The following TMEM108 variants were observed in gnomAD, a reference collection of about 807,000 sequenced individuals.
The protein encoded by TMEM108 is transmembrane protein 108.
In TMEM108, 12 loss-of-function variants were observed where a neutral mutation model predicts 35.1. The observed-to-expected ratio is 0.34, with a 90% CI of 0.22 to 0.55. The LOEUF (loss-of-function observed/expected upper bound fraction) is 0.55, where lower values mean the gene tolerates loss of function less well. Among genes scored for constraint, TMEM108 ranks in the 20% least tolerant of loss-of-function variants. TMEM108 has a pLI of 0.89. For synonymous variants in TMEM108, 287 were observed against 308.6 expected (o/e 0.93, Z 0.73); for missense variants, 680 against 753.3 (o/e 0.90, Z 1.14).
At chr3:133,172,314 T>C (rs1014808635) in intron 2 of TMEM108, among the ~76,000 whole-genome samples, 2 of 152,252 alleles carry the variant, frequency 1.3e-5, no homozygotes, top group African/African-American at 4.8e-5. Context: ...AAATGTTTAC[T>C]GTTTACAAGG....
chr3:133,216,500 GTTA>G (rs1022108456), intron 2 of TMEM108, among the ~76,000 whole-genome samples: 2 of 152,018 alleles, frequency 1.3e-5, no homozygotes, highest in Non-Finnish European at 2.9e-5. Context: ...AATACAATAT[GTTA>G]TTATTAACTA....
intron 2 of TMEM108, among the ~76,000 whole-genome samples, chr3:133,090,923 C>CT (rs1277609698): frequency 6.6e-6 from 1 of 152,062 alleles, no homozygotes; most frequent in Non-Finnish European, 1.5e-5. Context: ...TAGTTATCTG[C>CT]TGTTTTTTAC....
At chr3:133,214,282 A>C (rs1355990626) in intron 2 of TMEM108, among the ~76,000 whole-genome samples, 1 of 152,172 alleles carries the variant, frequency 6.6e-6, no homozygotes, top group Non-Finnish European at 1.5e-5. Flanking sequence ...GATCTTGAGC[A>C]AAGACCTTGA....
At chr3:133,176,769 A>C (rs1214523771) in intron 2 of TMEM108, among the ~76,000 whole-genome samples, 1 of 152,326 alleles carries the variant, frequency 6.6e-6, no homozygotes, top group Middle Eastern at 3.4e-3. Context: ...GAGAAGCAAG[A>C]GCAAACACAT....
At chr3:133,182,383 G>T (rs1295320370) in intron 2 of TMEM108, among the ~76,000 whole-genome samples, 1 of 152,132 alleles carries the variant, frequency 6.6e-6, no homozygotes, top group Non-Finnish European at 1.5e-5. Context: ...TTAAAAACCT[G>T]CTGAGTATCA....
chr3:133,040,612 T>C (rs1943264288), intron 1 of TMEM108, among the ~76,000 whole-genome samples: 1 of 152,162 alleles, frequency 6.6e-6, no homozygotes, highest in South Asian at 2.1e-4. Context: ...AATTAATCTT[T>C]GTTCCATAAA....
intron 2 of TMEM108, among the ~76,000 whole-genome samples, chr3:133,180,464 C>T (rs1458453409): frequency 3.3e-5 from 5 of 151,600 alleles, no homozygotes; most frequent in Non-Finnish European, 7.4e-5. Flanking sequence ...TTTTATTTTC[C>T]TTCATATTTT....
Position 133,096,538 on chromosome 3 carries a change from T to C in TMEM108, c.-47+50518T>C, listed in dbSNP as rs555271239. Among the ~76,000 whole-genome samples the C allele has an allele frequency of 3.3e-5, 5 of 152,292 alleles. No individual in the cohort carries two copies. In the East Asian group the frequency reaches 9.7e-4, roughly 29 times the overall value. On this transcript the variant is annotated intron_variant, in intron 2 of 5. Transcript: ENST00000321871. ...ACTAATTGATCAGCACAGGCTTTCTTGTCTCTTCAGATTATATGCTGAATG... is the reference window on the plus strand; with the variant it reads ...ACTAATTGATCAGCACAGGCTTTCTCGTCTCTTCAGATTATATGCTGAATG...
chr3:133,367,816 C>G (rs1215128997), intron 3 of TMEM108, among the ~76,000 whole-genome samples: 2 of 152,178 alleles, frequency 1.3e-5, no homozygotes, highest in African/African-American at 4.8e-5. Context: ...CTGCTAACCA[C>G]TAGCCGCTGC....
intron 3 of TMEM108, among the ~76,000 whole-genome samples, chr3:133,312,244 G>A (rs915779718): frequency 2.4e-4 from 37 of 152,184 alleles, no homozygotes; most frequent in African/African-American, 8.7e-4. Flanking sequence ...CACCATACTG[G>A]CAGAACCACT....
At chr3:133,317,197 C>T (rs909035647) in intron 3 of TMEM108, among the ~76,000 whole-genome samples, 5 of 152,060 alleles carry the variant, frequency 3.3e-5, no homozygotes, top group Non-Finnish European at 7.4e-5. Flanking sequence ...TTCAATGATA[C>T]GGACGTTGAA....
At chr3:133,039,367 A>G (rs1943246338) in intron 1 of TMEM108, among the ~76,000 whole-genome samples, 1 of 152,160 alleles carries the variant, frequency 6.6e-6, no homozygotes, top group African/African-American at 2.4e-5. Context: ...GGGAGAGGGA[A>G]GGCAGGGTCT....
intron 3 of TMEM108, among the ~76,000 whole-genome samples, chr3:133,301,211 C>T (rs991604935): frequency 2.6e-5 from 4 of 152,128 alleles, no homozygotes; most frequent in African/African-American, 9.7e-5. Context: ...CAAGGTGCCT[C>T]ACTTCATTCT....
chr3:133,239,431 C>CT (rs941371433), intron 3 of TMEM108, among the ~76,000 whole-genome samples: 3 of 152,180 alleles, frequency 2.0e-5, no homozygotes, highest in Admixed American at 6.5e-5. Flanking sequence ...ACCTCGGGAA[C>CT]TTTTTTTAAT....
In TMEM108 at chr3:133,366,939, A is replaced by C. The variant is rs140447090; in HGVS notation, c.41-12813A>C. On this transcript the variant is annotated intron_variant, in intron 3 of 5. Transcript: ENST00000321871. ...AGGTTTATTGAGGGGACTCACATAC[A>C]GAGGAGTCCAGTGGTGATGAGCTGG... Among the ~76,000 whole-genome samples the C allele has an allele frequency of 1.8e-4, 27 of 152,368 alleles. No homozygotes were observed. The East Asian group carries it at 5.2e-3, about 29-fold the overall frequency.
intron 3 of TMEM108, among the ~76,000 whole-genome samples, chr3:133,353,217 T>G (rs2072059722): frequency 6.6e-6 from 1 of 152,144 alleles, no homozygotes; most frequent in South Asian, 2.1e-4. Context: ...ACTGGAAAGC[T>G]AGAGACAAAG....
At chr3:133,386,802 GGA>G (rs2073158190) in intron 4 of TMEM108, 1 of 814,302 alleles carries the variant, frequency 1.2e-6, no homozygotes, top group Non-Finnish European at 1.5e-6. Flanking sequence ...ACAGGATAGT[GGA>G]TATCAACTTG....
At chr3:133,145,680 C>A (rs1267519551) in intron 2 of TMEM108, among the ~76,000 whole-genome samples, 1 of 152,204 alleles carries the variant, frequency 6.6e-6, no homozygotes, top group Non-Finnish European at 1.5e-5. Flanking sequence ...AGGTCCTTCA[C>A]ATCCCTTGTA....
chr3:133,194,267 C>T (rs1945544682), intron 2 of TMEM108, among the ~76,000 whole-genome samples: 1 of 152,144 alleles, frequency 6.6e-6, no homozygotes, highest in South Asian at 2.1e-4. Flanking sequence ...TCAACTTCTA[C>T]TTAATTTAAC....
Sources: allele counts gnomAD v4.1 joint callset (sites outside exome capture counted in the v4.1 genomes callset), GRCh38; gene constraint gnomAD v4.1.1; transcripts MANE v1.5; gene names NCBI Gene and HGNC (gene_info 2026-07-23, HGNC 2026-07-21).